Variants in MAN2B2 observed in about 807,000 individuals in gnomAD.
MAN2B2 encodes the protein mannosidase alpha class 2B member 2.
In MAN2B2, 106 loss-of-function variants were observed where a neutral mutation model predicts 117.1. The ratio of observed to expected loss-of-function variants is 0.90; its 90% confidence interval spans 0.77 to 1.06. The LOEUF is 1.06. Among genes scored for constraint, MAN2B2 ranks in the 50% least tolerant of loss-of-function variants. The probability of loss-of-function intolerance (pLI) is 0.00; values close to 1 mark genes in which losing one functional copy is unlikely to be tolerated. For synonymous variants in MAN2B2, 544 were observed against 595.1 expected, an observed-to-expected ratio of 0.91 and a Z score of 1.25; for missense variants, 1,326 against 1,381.4, an observed-to-expected ratio of 0.96 and a Z score of 0.64.
chr4:6,607,674 A>G (rs757911100), intron 11 of MAN2B2, among the ~76,000 whole-genome samples: 6 of 152,252 alleles, frequency 3.9e-5, no homozygotes, highest in South Asian at 2.1e-4. Flanking sequence ...GCCACTATCA[A>G]TAATGCTGCT....
At chr4:6,596,656 G>T (rs1727101889) in intron 7 of MAN2B2, among the ~76,000 whole-genome samples, 1 of 152,124 alleles carries the variant, frequency 6.6e-6, no homozygotes, top group Admixed American at 6.5e-5. Flanking sequence ...TGAAACGCAT[G>T]CCTGTCCTGG....
rs374067235 is a variant in MAN2B2 at position 6,589,161 on chromosome 4, G to T, written c.680+1G>T. On this transcript the variant is annotated splice_donor_variant, in intron 5 of 18. Coordinates refer to ENST00000285599, the MANE Select transcript of MAN2B2 (RefSeq NM_015274.3). LOFTEE classifies it high-confidence loss of function. ...CGTCCCACATCCCTTTCTCCAACAG[G>T]TACGTGCCCTTCCGCAGTGCCTTTG... The T allele has an allele frequency of 4.3e-6, 7 of 1,610,344 alleles. No homozygotes were observed. Among genetic ancestry groups the T allele is most frequent in the Non-Finnish European group, 5.9e-6 (7 of 1,176,528 alleles).
In MAN2B2 at chr4:6,609,236, A is replaced by G; in HGVS notation, c.1944A>G (p.Glu648=). ...TPGKAAVPAW[E]AVEMEIVAGQ... is the part of the protein sequence containing the mutation. ...GCAAGGCCGCGGTGCCTGCGTGGGAAGCTGTGGAAATGGAGATTGTGGCGG... is the reference window on the plus strand; with the variant it reads ...GCAAGGCCGCGGTGCCTGCGTGGGAGGCTGTGGAAATGGAGATTGTGGCGG... Residue 648 remains glutamate (E), a synonymous_variant, in exon 12 of 19, where the codon GAA becomes GAG. Coordinates refer to ENST00000285599, the MANE Select transcript of MAN2B2 (RefSeq NM_015274.3). The G allele has an allele frequency of 6.2e-7, 1 of 1,614,212 alleles. No homozygotes were observed. Among genetic ancestry groups the G allele is most frequent in the Non-Finnish European group, 8.5e-7 (1 of 1,180,028 alleles).
At chr4:6,593,467 CCAG>C in intron 6 of MAN2B2, 117 bp downstream of exon 6, 1 of 1,002,648 alleles carries the variant, frequency 1.0e-6, no homozygotes, top group South Asian at 1.9e-5. Flanking sequence ...CATGCTCAGC[CCAG>C]TGGCTCCATC....
chr4:6,599,144 T>C (rs1197628464), intron 9 of MAN2B2, among the ~76,000 whole-genome samples: 3 of 152,194 alleles, frequency 2.0e-5, no homozygotes, highest in Non-Finnish European at 4.4e-5. Flanking sequence ...TCACCTAGGC[T>C]GGAGTGCAGT....
chr4:6,596,867 G>A lies in MAN2B2; in HGVS notation c.1058-246G>A, dbSNP rs1411040657. ...ACCCCACCCCACCTGCCCCAGTGCA[G>A]CCTGTCTCTCCCACCCTGCCCAAGG... On this transcript the variant is annotated intron_variant, in intron 7 of 18. Coordinates refer to ENST00000285599, the MANE Select transcript of MAN2B2 (RefSeq NM_015274.3). Among the ~76,000 whole-genome samples the A allele has an allele frequency of 2.0e-5, 3 of 152,196 alleles. No individual in the cohort carries two copies. The East Asian group carries it at 5.8e-4, about 30-fold the overall frequency.
At chr4:6,606,387 A>C (rs1048912129) in intron 11 of MAN2B2, among the ~76,000 whole-genome samples, 1 of 151,870 alleles carries the variant, frequency 6.6e-6, no homozygotes, top group African/African-American at 2.4e-5. Context: ...GCAAGGGGGG[A>C]GTTGGGCAGA....
rs1448511388 is a variant in MAN2B2, at chr4:6,598,214, C to T, written c.1265C>T (p.Ala422Val). 1 of 1,613,524 alleles carries T rather than the reference C, an allele frequency of 6.2e-7. No individual in the cohort carries two copies. Among genetic ancestry groups the T allele is most frequent in the Admixed American group, 1.7e-5 (1 of 60,024 alleles). The change falls in exon 9 of 19, where the codon GCC becomes GTC. Residue 422 changes from alanine (A) to valine (V), a missense_variant. Transcript: ENST00000285599. ...WAVSEVQHHD[A>V]ITGTESPKVR... is the part of the protein sequence containing the mutation. ...TTGCTGCAGGTCCAGCACCATGATG[C>T]CATCACTGGGACTGAGTCCCCCAAG...
chr4:6,580,623 A>T (rs1199775552), intron 3 of MAN2B2, among the ~76,000 whole-genome samples: 1 of 152,150 alleles, frequency 6.6e-6, no homozygotes, highest in Non-Finnish European at 1.5e-5. Flanking sequence ...TCCCGCAGGA[A>T]ATCTCTGAGT....
At chr4:6,607,326 C>T (rs924180150) in intron 11 of MAN2B2, among the ~76,000 whole-genome samples, 3 of 152,286 alleles carry the variant, frequency 2.0e-5, no homozygotes, top group Admixed American at 1.3e-4. Flanking sequence ...CCCACCTCAG[C>T]CTCTTGAGTA....
intron 5 of MAN2B2, among the ~76,000 whole-genome samples, chr4:6,592,621 G>A (rs886902126): frequency 6.6e-6 from 1 of 152,158 alleles, no homozygotes; most frequent in Non-Finnish European, 1.5e-5. Context: ...AACAGAGGTG[G>A]GAATGCTGGA....
intron 7 of MAN2B2, among the ~76,000 whole-genome samples, chr4:6,596,366 C>T (rs1727087339): frequency 6.6e-6 from 1 of 152,090 alleles, no homozygotes; most frequent in African/African-American, 2.4e-5. Flanking sequence ...CATGTGACCA[C>T]CCCTCCCAGT....
chr4:6,613,134 C>T (rs944411240), intron 15 of MAN2B2, among the ~76,000 whole-genome samples: 7 of 152,184 alleles, frequency 4.6e-5, no homozygotes, highest in Non-Finnish European at 8.8e-5. Flanking sequence ...TCAGGTGGCC[C>T]ATGCCTGGAC....
At chr4:6,610,674 G>T (rs1159619474) in intron 13 of MAN2B2, among the ~76,000 whole-genome samples, 1 of 152,234 alleles carries the variant, frequency 6.6e-6, no homozygotes, top group Non-Finnish European at 1.5e-5. Context: ...CTTGGCCAGG[G>T]CCTGCACCCA....
intron 11 of MAN2B2, among the ~76,000 whole-genome samples, chr4:6,605,957 T>C (rs1437242838): frequency 6.6e-6 from 1 of 152,198 alleles, no homozygotes; most frequent in African/African-American, 2.4e-5. Flanking sequence ...TCAGCAGCTA[T>C]TTGTGGACAT....
In MAN2B2 at chr4:6,600,643, T is replaced by C. The variant is rs1271683969; in HGVS notation, c.1426T>C (p.Phe476Leu). 6.2e-7 allele frequency: 1 copy of C among 1,613,874 alleles called. No homozygotes were observed. The highest frequency in any genetic ancestry group is 2.2e-5 in the East Asian group (1 of 44,878). The change falls in exon 10 of 19, where the codon TTT (phenylalanine) becomes CTT (leucine). Residue 476 changes from phenylalanine (F) to leucine (L), a missense_variant. Coordinates refer to ENST00000285599, the MANE Select transcript of MAN2B2 (RefSeq NM_015274.3). ...TGCAGATGCAGGACCTGCAGGACAT[T>C]TTGCCTCGGTCTACAACCCGCTGGC... ...ASSDAGPAGHFASVYNPLAWT... is the reference protein window; with the variant it reads ...ASSDAGPAGHLASVYNPLAWT...
At chr4:6,608,230 C>G (rs35972815) in intron 11 of MAN2B2, among the ~76,000 whole-genome samples, 2 of 152,022 alleles carry the variant, frequency 1.3e-5, no homozygotes, top group East Asian at 3.9e-4. Flanking sequence ...AAGGATCGTG[C>G]GGGGAAGGGG....
intron 3 of MAN2B2, among the ~76,000 whole-genome samples, chr4:6,585,065 T>C (rs1726580384): frequency 6.6e-6 from 1 of 151,910 alleles, no homozygotes; most frequent in South Asian, 2.1e-4. Context: ...CTCTGGCTGC[T>C]CCTTCTCCAT....
chr4:6,614,653 G>A (rs769797090), intron 16 of MAN2B2, among the ~76,000 whole-genome samples: 1 of 152,146 alleles, frequency 6.6e-6, no homozygotes, highest in Admixed American at 6.5e-5. Context: ...AAGTCCCCCT[G>A]ACCCCCAGGT....
Sources: gnomAD v4.1 joint callset for allele counts (sites outside exome capture counted in the v4.1 genomes callset) on GRCh38, gnomAD v4.1.1 for gene constraint, MANE v1.5 for transcripts, NCBI Gene and HGNC (gene_info 2026-07-23, HGNC 2026-07-21) for gene names.